Variants in CPSF4 observed in about 807,000 individuals in gnomAD.
The protein encoded by CPSF4 is cleavage and polyadenylation specific factor 4.
Under a neutral mutation model 37.7 loss-of-function variants are expected in CPSF4, and 11 were observed. The ratio of observed to expected loss-of-function variants is 0.29; its 90% CI spans 0.18 to 0.48. The LOEUF (loss-of-function observed/expected upper bound fraction) is 0.48. Among genes scored for constraint, CPSF4 ranks in the 20% least tolerant of loss-of-function variants. The pLI is 0.99. For missense variants in CPSF4, 144 were observed against 359.5 expected (o/e 0.40, Z 4.85); for synonymous variants, 132 against 135.9 (o/e 0.97, Z 0.20).
intron 5 of CPSF4, 51 bp from the exon 6 acceptor site, chr7:99,452,317 C>G: frequency 6.7e-7 from 1 of 1,490,576 alleles, no homozygotes. Flanking sequence ...TTCTCATCCC[C>G]TGACCCCACT....
Position 99,454,142 on chromosome 7 carries a change from T to G in CPSF4, c.741+6T>G. ...AGCAGGTCACCTGTTACAAGGTGAG[T>G]CCCTGGGCTGGGGGACAGGGTGGGG... On this transcript the variant is annotated splice_donor_region_variant and intron_variant, in intron 7 of 7. Transcript: ENST00000292476. 2 of 1,611,212 alleles carry G rather than the reference T, an allele frequency of 1.2e-6. No homozygotes were observed. The highest frequency in any genetic ancestry group is 1.7e-6 in the Non-Finnish European group (2 of 1,178,188).
chr7:99,439,051 G>A lies in CPSF4; in HGVS notation c.-32G>A. The A allele has an allele frequency of 6.3e-7, 1 of 1,585,824 alleles. No individual in the cohort carries two copies. The highest frequency in any genetic ancestry group is 8.6e-7 in the Non-Finnish European group (1 of 1,166,288). ...CGAGAAGGCTGCAGGAGACCGAGGG[G>A]GAGCCGGGCCGGTGGGGCCGCCGCC... is the stretch of plus-strand genomic sequence containing the variant. On this transcript the variant is annotated 5_prime_UTR_variant, in exon 1 of 8. Transcript: ENST00000292476.
chr7:99,444,752 C>A, intron 1 of CPSF4, 37 bp from the exon 2 acceptor site: 1 of 1,599,244 alleles, frequency 6.3e-7, no homozygotes. Context: ...GCAAATTGCA[C>A]CTCTTTGATT....
intron 4 of CPSF4, 136 bp downstream of exon 4, chr7:99,450,507 C>G (rs538069787): frequency 2.3e-4 from 173 of 746,288 alleles, no homozygotes; most frequent in Non-Finnish European, 3.5e-4. Flanking sequence ...TCTCACACTC[C>G]TCATCTCCCT....
At chr7:99,452,247 C>T in intron 5 of CPSF4, 121 bp from the exon 6 acceptor site, 2 of 828,544 alleles carry the variant, frequency 2.4e-6, no homozygotes, top group East Asian at 2.4e-5. Context: ...TCACTTTGTG[C>T]TGGGGCAGCT....
intron 1 of CPSF4, chr7:99,439,535 A>C (rs2150968581): frequency 4.4e-6 from 1 of 227,164 alleles, no homozygotes; most frequent in Non-Finnish European, 8.6e-6. Context: ...GACTCCTTTT[A>C]CCCTCACTCG....
At chr7:99,447,712 C>G in intron 2 of CPSF4, 6 of 402,136 alleles carry the variant, frequency 1.5e-5, no homozygotes, top group South Asian at 1.0e-4. Flanking sequence ...GCCTCAGCCT[C>G]CCGAGTAGCT....
At chr7:99,440,046 TTG>T (rs1440715750) in intron 1 of CPSF4, among the ~76,000 whole-genome samples, 2 of 152,228 alleles carry the variant, frequency 1.3e-5, no homozygotes, top group Non-Finnish European at 2.9e-5. Flanking sequence ...GTAGTTTTCT[TTG>T]TGTCTTCTTT....
Position 99,448,420 on chromosome 7 carries a change from C to A in CPSF4, c.307+147C>A. On this transcript the variant is annotated intron_variant, in intron 3 of 7. Transcript: ENST00000292476. This position sits in a 1 kb window ranked among gnomAD's most constrained non-coding sequence, Gnocchi z 4.4. ...TCTGGCAGAACCTGCCAGCCTCAGCCAGCTTTTAGGGGACAGTGTGGCTAT... is the reference window on the plus strand; with the variant it reads ...TCTGGCAGAACCTGCCAGCCTCAGCAAGCTTTTAGGGGACAGTGTGGCTAT... 1 of 793,022 alleles carries A rather than the reference C, an allele frequency of 1.3e-6. No homozygotes were observed. Among genetic ancestry groups the A allele is most frequent in the Non-Finnish European group, 1.9e-6 (1 of 524,664 alleles). 49.1% of individuals were successfully genotyped at this position (793,022 alleles called of 1,614,324 possible).
chr7:99,454,081 ACAG>A lies in CPSF4; in HGVS notation c.691_693del (p.Ser231del). On this transcript the variant is annotated inframe_deletion, in exon 7 of 8. Transcript: ENST00000292476. The stretch of plus-strand genomic sequence containing the variant: ...GTCATCGGGGTCATGCAGAGTCAAA[ACAG>A]CAGCGCGGGCAACCGGGGACCCCGG... 1 of 1,614,162 alleles carries A rather than the reference ACAG, an allele frequency of 6.2e-7. No homozygotes were observed.
intron 1 of CPSF4, among the ~76,000 whole-genome samples, chr7:99,440,675 T>TATATATATATATATATATATATATATATG (rs1491236759): frequency 8.0e-5 from 6 of 74,876 alleles, no homozygotes; most frequent in African/African-American, 4.2e-4. Flanking sequence ...TATATATATA[T>TATATATATATATATATATATATATATATG]TTTTTTTTTT....
In CPSF4 at chr7:99,444,834, G is replaced by A. The variant is rs539085839; in HGVS notation, c.149G>A (p.Gly50Asp). The A allele has an allele frequency of 6.2e-7, 1 of 1,613,522 alleles. No homozygotes were observed. The highest frequency in any genetic ancestry group is 1.1e-5 in the South Asian group (1 of 91,060). ...GAATTCTTTTTGAAAGCTGCCTGCGGCAAAGGTAAGAAACTCCGGGCTCCC... is the reference window on the plus strand; with the variant it reads ...GAATTCTTTTTGAAAGCTGCCTGCGACAAAGGTAAGAAACTCCGGGCTCCC... ...VCEFFLKAAC[G>D]KGGMCPFRHI... The change falls in exon 2 of 8, where the codon GGC (glycine) becomes GAC (aspartate). Residue 50 changes from glycine (G) to aspartate (D), a missense_variant. Around this residue, in one of 4 missense-constraint regions of CPSF4, gnomAD observed 42 missense variants for 86.4 expected, o/e 0.49. Coordinates refer to ENST00000292476, the MANE Select transcript of CPSF4 (RefSeq NM_006693.4).
intron 1 of CPSF4, chr7:99,443,067 G>T: frequency 9.5e-7 from 1 of 1,055,686 alleles, no homozygotes; most frequent in Non-Finnish European, 1.5e-6. Context: ...TCTTTCCTTC[G>T]GCTTATCCAA....
At chr7:99,455,618 G>A (rs1250065089) in intron 7 of CPSF4, among the ~76,000 whole-genome samples, 2 of 152,224 alleles carry the variant, frequency 1.3e-5, no homozygotes, top group African/African-American at 4.8e-5. Flanking sequence ...ACTCAGGGGT[G>A]GGTGTCAGTA....
At chr7:99,441,733 C>A (rs1419855718) in intron 1 of CPSF4, among the ~76,000 whole-genome samples, 2 of 151,808 alleles carry the variant, frequency 1.3e-5, no homozygotes, top group East Asian at 3.9e-4. Context: ...TGCTCTGTTA[C>A]CCAGGCTGGA....
In CPSF4 at chr7:99,457,095, A is replaced by T. The variant is rs1380825537; in HGVS notation, c.*595A>T. The T allele has an allele frequency of 5.5e-6, 1 of 180,802 alleles. No homozygotes were observed. The highest frequency in any genetic ancestry group is 2.4e-5 in the African/African-American group (1 of 42,500). The allele number at this position is 180,802 out of a possible 1,614,324, so 11.2% of individuals were successfully genotyped here. A position where few individuals can be genotyped will look rare whatever the true frequency, so the allele number is the denominator to read the frequency against. On this transcript the variant is annotated 3_prime_UTR_variant, in exon 8 of 8. Transcript: ENST00000292476. ...GCCTGAGGTTTTCTTCTCTGGGCTT[A>T]ATTTTCTCTTGGGGTACGTGCCTGA...
chr7:99,448,482 A>G lies in CPSF4; in HGVS notation c.307+209A>G, dbSNP rs1217837254. On this transcript the variant is annotated intron_variant, in intron 3 of 7. Coordinates refer to ENST00000292476, the MANE Select transcript of CPSF4 (RefSeq NM_006693.4). The surrounding 1 kb of genome is among the most constrained non-coding windows in gnomAD (Gnocchi z 4.4). The stretch of plus-strand genomic sequence containing the variant: ...CTCTTTTTTTTTTTTTTTTTTTTTA[A>G]AGACATAGGGTCTCGCTATGTTTCA... 4.0e-6 allele frequency: 2 copies of G among 504,236 alleles called. No homozygotes were observed. Among genetic ancestry groups the G allele is most frequent in the Non-Finnish European group, 6.9e-6 (2 of 288,252 alleles). The allele number at this position is 504,236 out of a possible 1,614,324, so 31.2% of individuals were successfully genotyped here.
chr7:99,449,101 T>G (rs552527662), intron 3 of CPSF4: 15 of 152,568 alleles, frequency 9.8e-5, no homozygotes, highest in African/African-American at 3.6e-4. Context: ...AGCGTGAGGC[T>G]GGCTCTGGTC....
At position 99,450,383 on chromosome 7, in the gene CPSF4, G is replaced by A; in HGVS notation, c.403+12G>A. 1.3e-6 allele frequency: 2 copies of A among 1,595,410 alleles called. No individual in the cohort carries two copies. Among genetic ancestry groups the A allele is most frequent in the Non-Finnish European group, 1.7e-6 (2 of 1,164,388 alleles). The stretch of plus-strand genomic sequence containing the variant: ...CTTCTGCAAGCACGGTAGGTGCCAG[G>A]GTGGGCTGGGCCCCGGGCAAGAAGC... On this transcript the variant is annotated intron_variant, in intron 4 of 7. Coordinates refer to ENST00000292476, the MANE Select transcript of CPSF4 (RefSeq NM_006693.4).
Sources: allele counts gnomAD v4.1 joint callset (sites outside exome capture counted in the v4.1 genomes callset), GRCh38; gene constraint gnomAD v4.1.1; regional missense constraint gnomAD v4.1.1; non-coding constraint Gnocchi (gnomAD v3.1); transcripts MANE v1.5; gene names NCBI Gene and HGNC (gene_info 2026-07-23, HGNC 2026-07-21).